The following PARP11 variants were observed in gnomAD, a reference collection of about 807,000 sequenced individuals.
PARP11 encodes poly(ADP-ribose) polymerase family member 11.
A neutral mutation model predicts 42.9 loss-of-function variants in PARP11; 31 were observed. That is an observed-to-expected ratio of 0.72 (90% CI 0.54 to 0.98). The LOEUF (loss-of-function observed/expected upper bound fraction) is 0.98. Among genes scored for constraint, PARP11 ranks in the 50% least tolerant of loss-of-function variants. The pLI, the probability that PARP11 is intolerant of heterozygous loss-of-function variation, is 0.00. For synonymous variants in PARP11, 137 were observed against 127.3 expected (o/e 1.08, Z -0.51); for missense variants, 365 against 413.1 (o/e 0.88, Z 1.01).
At chr12:3,827,093 G>A (rs1415561401) in intron 3 of PARP11, among the ~76,000 whole-genome samples, 1 of 152,194 alleles carries the variant, frequency 6.6e-6, no homozygotes, top group African/African-American at 2.4e-5. Context: ...CTCAGCATGT[G>A]GAGCAAGACC....
chr12:3,816,081 C>T (rs1220539971), intron 6 of PARP11, among the ~76,000 whole-genome samples: 2 of 152,220 alleles, frequency 1.3e-5, no homozygotes, highest in Non-Finnish European at 2.9e-5. Flanking sequence ...CAAATGTTTA[C>T]TTTACAAAAA....
intron 1 of PARP11, among the ~76,000 whole-genome samples, chr12:3,860,334 G>C (rs193213638): frequency 6.6e-6 from 1 of 152,186 alleles, no homozygotes; most frequent in African/African-American, 2.4e-5. Flanking sequence ...TTTAAGACAA[G>C]GAAGGACCCT....
At chr12:3,829,682 T>C (rs1947597457) in intron 2 of PARP11, among the ~76,000 whole-genome samples, 1 of 152,230 alleles carries the variant, frequency 6.6e-6, no homozygotes. Flanking sequence ...TCACCCTCTA[T>C]TGTTTCTTCT....
In PARP11 at chr12:3,811,065, CT is replaced by C. The variant is rs1459139455; in HGVS notation, c.*1057del. ...GATGGAACAGGTAAACAAATTTCCA[CT>C]AAACATGATTAAGAATTATATCTAA... is the stretch of plus-strand genomic sequence containing the variant. On this transcript the variant is annotated 3_prime_UTR_variant, in exon 8 of 8. Transcript: ENST00000228820. 6.6e-6 allele frequency: 1 copy of C among 152,158 alleles called. No individual in the cohort carries two copies. Among genetic ancestry groups the C allele is most frequent in the Non-Finnish European group, 1.5e-5 (1 of 68,026 alleles). The allele number at this position is 152,158 out of a possible 1,614,324, so 9.4% of individuals were successfully genotyped here.
intron 6 of PARP11, among the ~76,000 whole-genome samples, chr12:3,816,408 T>C (rs1242045585): frequency 6.6e-6 from 1 of 152,132 alleles, no homozygotes; most frequent in East Asian, 1.9e-4. Flanking sequence ...GCCTTTCGAG[T>C]TACTCTTTGC....
chr12:3,854,114 T>G (rs1229248637), intron 1 of PARP11, among the ~76,000 whole-genome samples: 1 of 152,122 alleles, frequency 6.6e-6, no homozygotes, highest in Non-Finnish European at 1.5e-5. Context: ...CGTACCAGAA[T>G]CTCTGGGACA....
intron 1 of PARP11, chr12:3,832,219 G>A (rs1208130324): frequency 2.5e-6 from 1 of 394,920 alleles, no homozygotes; most frequent in African/African-American, 2.2e-5. Flanking sequence ...CCATTGTATT[G>A]AACATTCCTA....
intron 6 of PARP11, among the ~76,000 whole-genome samples, chr12:3,816,314 C>T (rs780952587): frequency 6.6e-6 from 1 of 152,162 alleles, no homozygotes; most frequent in Non-Finnish European, 1.5e-5. Context: ...GTTTTGAATC[C>T]CTCACAAGTG....
chr12:3,863,746 T>A (rs1001867400), intron 1 of PARP11: 2 of 152,224 alleles, frequency 1.3e-5, no homozygotes, highest in African/African-American at 2.4e-5. Context: ...TGCAAAGTGT[T>A]ACCAACCAAG....
At chr12:3,865,756 A>G (rs1287945376) in intron 1 of PARP11, among the ~76,000 whole-genome samples, 1 of 152,096 alleles carries the variant, frequency 6.6e-6, no homozygotes, top group African/African-American at 2.4e-5. Flanking sequence ...TATTTCTTAC[A>G]GACAACTTAT....
intron 1 of PARP11, among the ~76,000 whole-genome samples, chr12:3,868,886 A>C (rs753475060): frequency 1.3e-5 from 2 of 152,192 alleles, no homozygotes; most frequent in Non-Finnish European, 2.9e-5. Context: ...AACAACACTA[A>C]TTTATTTTCT....
At chr12:3,815,172 T>C (rs548004319) in intron 6 of PARP11, 2 of 428,672 alleles carry the variant, frequency 4.7e-6, no homozygotes, top group African/African-American at 4.1e-5. Context: ...ATAAAAATCA[T>C]ATTTTAAAAA....
intron 1 of PARP11, among the ~76,000 whole-genome samples, chr12:3,865,658 A>G (rs545426522): frequency 4.6e-5 from 7 of 152,138 alleles, no homozygotes; most frequent in Non-Finnish European, 1.0e-4. Flanking sequence ...ACAACAATAA[A>G]CCACTCACAC....
intron 1 of PARP11, among the ~76,000 whole-genome samples, chr12:3,844,752 T>C (rs7972649): frequency 0.043 from 6,543 of 152,334 alleles, 409 homozygotes; most frequent in East Asian, 0.24. Context: ...TTTTAGCAGA[T>C]GGTACTTTTC....
chr12:3,851,894 T>C (rs778430485), intron 1 of PARP11, among the ~76,000 whole-genome samples: 46 of 152,156 alleles, frequency 3.0e-4, no homozygotes, highest in Non-Finnish European at 5.0e-4. Flanking sequence ...CGGATGCCCC[T>C]CTGAGACGAA....
intron 1 of PARP11, among the ~76,000 whole-genome samples, chr12:3,852,899 C>T (rs1009443884): frequency 6.6e-6 from 1 of 152,152 alleles, no homozygotes; most frequent in African/African-American, 2.4e-5. Flanking sequence ...TCAGGTTACC[C>T]ACAAAGGGAA....
Position 3,822,154 on chromosome 12 carries a change from G to C in PARP11, c.348C>G (p.Tyr116Ter), listed in dbSNP as rs1316997811. The C allele has an allele frequency of 6.2e-7, 1 of 1,612,510 alleles. No homozygotes were observed. The highest frequency in any genetic ancestry group is 1.1e-5 in the South Asian group (1 of 90,992). Residue 116 changes from tyrosine to a stop codon, truncating the protein, a stop_gained, in exon 5 of 8, where the codon TAC becomes TAG. Coordinates refer to ENST00000228820, the MANE Select transcript of PARP11 (RefSeq NM_020367.6). LOFTEE classifies it high-confidence loss of function. ...RAPFSISAFS[Y>*]ICENEAIPMP... ...TAGGGATGGCCTCGTTTTCACAGAT[G>C]TAACTTGAAACAGCAAAAGAGAAAA... is the stretch of plus-strand genomic sequence containing the variant.
At chr12:3,837,200 G>A (rs188251882) in intron 1 of PARP11, among the ~76,000 whole-genome samples, 1 of 152,270 alleles carries the variant, frequency 6.6e-6, no homozygotes, top group Admixed American at 6.5e-5. Flanking sequence ...CAGCCTTCCC[G>A]CACTGCCAGG....
In PARP11 at chr12:3,840,267, G is replaced by T; in HGVS notation, c.19-10249C>A. The T allele has an allele frequency of 6.2e-7, 1 of 1,613,888 alleles. No individual in the cohort carries two copies. The highest frequency in any genetic ancestry group is 1.7e-4 in the Middle Eastern group (1 of 6,060). On this transcript the variant is annotated intron_variant, in intron 1 of 7. Coordinates refer to ENST00000228820, the MANE Select transcript of PARP11 (RefSeq NM_020367.6). This position sits in a 1 kb window ranked among gnomAD's most constrained non-coding sequence, Gnocchi z 4.4. ...CAGTTTTGGTTGAAGAACTGGGAAA[G>T]TACACATCAAAGAACCTCAAGGCAC...
Sources: gnomAD v4.1 joint callset for allele counts (sites outside exome capture counted in the v4.1 genomes callset) on GRCh38, gnomAD v4.1.1 for gene constraint, Gnocchi (gnomAD v3.1) non-coding constraint, MANE v1.5 for transcripts, NCBI Gene and HGNC (gene_info 2026-07-23, HGNC 2026-07-21) for gene names.